Variants in KCNQ3 observed in about 807,000 individuals in gnomAD.
KCNQ3 encodes potassium voltage-gated channel subfamily Q member 3.
Under a neutral mutation model 92.5 loss-of-function variants are expected in KCNQ3, and 30 were observed. The observed-to-expected ratio is 0.32, with a 90% CI of 0.24 to 0.44. The LOEUF is 0.44. Ranked by LOEUF, KCNQ3 falls within the 20% of genes least tolerant of loss-of-function variation. The pLI, the probability that KCNQ3 is intolerant of heterozygous loss-of-function variation, is 1.00. For synonymous variants in KCNQ3, 450 were observed against 468.8 expected, an observed-to-expected ratio of 0.96 and a Z score of 0.52; for missense variants, 913 against 1,140.3, an observed-to-expected ratio of 0.80 and a Z score of 2.87.
At chr8:132,369,513 G>T (rs1466173226) in intron 1 of KCNQ3, among the ~76,000 whole-genome samples, 1 of 152,162 alleles carries the variant, frequency 6.6e-6, no homozygotes, top group African/African-American at 2.4e-5. Flanking sequence ...CTGGGTCAGG[G>T]AGTATAAAAA....
intron 1 of KCNQ3, among the ~76,000 whole-genome samples, chr8:132,353,926 GT>G (rs1818944307): frequency 6.6e-6 from 1 of 152,198 alleles, no homozygotes; most frequent in Non-Finnish European, 1.5e-5. Context: ...GCAGATGAAG[GT>G]TAACTAGAGC....
At chr8:132,368,678 TA>T (rs1244221066) in intron 1 of KCNQ3, among the ~76,000 whole-genome samples, 1 of 151,856 alleles carries the variant, frequency 6.6e-6, no homozygotes, top group East Asian at 1.9e-4. Flanking sequence ...AAAAGAAAAA[TA>T]TTTTAAAAAG....
At position 132,124,083 on chromosome 8, in the gene KCNQ3, A is replaced by G. The variant is rs1349677317; in HGVS notation, c.*5179T>C. 1 of 152,166 alleles carries G rather than the reference A, an allele frequency of 6.6e-6. No homozygotes were observed. The highest frequency in any genetic ancestry group is 2.4e-5 in the African/African-American group (1 of 41,420). 9.4% of individuals were successfully genotyped at this position (152,166 alleles called of 1,614,324 possible). ...TGCAACATCTGGTACTATATGTCCA[A>G]TGGAATTGCCACAACTCAGCCACTG... On this transcript the variant is annotated 3_prime_UTR_variant, in exon 15 of 15. Transcript: ENST00000388996.
In KCNQ3 at chr8:132,129,378, C is replaced by A; in HGVS notation, c.2503G>T (p.Glu835Ter). 6.2e-7 allele frequency: 1 copy of A among 1,614,202 alleles called. No individual in the cohort carries two copies. Among genetic ancestry groups the A allele is most frequent in the East Asian group, 2.2e-5 (1 of 44,864 alleles). ...SWMREKRYLA[E>*]GETDTDTDPF... ...TCCGTGTCTGTGTCCGTCTCACCCT[C>A]GGCGAGGTACCGCTTCTCCCTCATC... is the stretch of plus-strand genomic sequence containing the variant. The change falls in exon 15 of 15, where the codon GAG becomes TAG. Residue 835 changes from glutamate to a stop codon, truncating the protein, a stop_gained. Transcript: ENST00000388996. LOFTEE classifies it high-confidence loss of function. The surrounding 1 kb of genome is among the most constrained non-coding windows in gnomAD (Gnocchi z 5.9).
chr8:132,206,366 A>G (rs375128252), intron 1 of KCNQ3, among the ~76,000 whole-genome samples: 164 of 152,316 alleles, frequency 1.1e-3, no homozygotes, highest in African/African-American at 3.7e-3. Context: ...CCTTGGTCCT[A>G]TGCATTTCTA....
intron 1 of KCNQ3, among the ~76,000 whole-genome samples, chr8:132,315,042 G>T (rs1435322386): frequency 2.0e-5 from 3 of 152,196 alleles, no homozygotes; most frequent in Non-Finnish European, 4.4e-5. Flanking sequence ...ATCTCACAAG[G>T]GATGGAGAAC....
chr8:132,213,001 G>A (rs1586833438), intron 1 of KCNQ3, among the ~76,000 whole-genome samples: 1 of 152,126 alleles, frequency 6.6e-6, no homozygotes, highest in East Asian at 1.9e-4. Flanking sequence ...CTAGAGTTCA[G>A]GACACCTGCA....
chr8:132,354,042 T>TGGCTCAGCACTTTG (rs1191905674), intron 1 of KCNQ3, among the ~76,000 whole-genome samples: 1 of 152,226 alleles, frequency 6.6e-6, no homozygotes, highest in Non-Finnish European at 1.5e-5. Flanking sequence ...ATATAGCACC[T>TGGCTCAGCACTTTG]GGCTCAGCAC....
chr8:132,280,722 GC>G (rs1486808009), intron 1 of KCNQ3, among the ~76,000 whole-genome samples: 1 of 152,192 alleles, frequency 6.6e-6, no homozygotes, highest in Admixed American at 6.6e-5. Flanking sequence ...TATACAGAAA[GC>G]ATATTCCAGG....
At chr8:132,213,723 T>G (rs756341165) in intron 1 of KCNQ3, among the ~76,000 whole-genome samples, 1 of 152,206 alleles carries the variant, frequency 6.6e-6, no homozygotes, top group South Asian at 2.1e-4. Flanking sequence ...AGTAAGGTAT[T>G]GCAAGCTCTG....
chr8:132,278,091 AC>A (rs1346469692), intron 1 of KCNQ3: 1 of 985,214 alleles, frequency 1.0e-6, no homozygotes, highest in Non-Finnish European at 1.2e-6. Context: ...ATCCTCAAAG[AC>A]CATGAGATTT....
intron 9 of KCNQ3, among the ~76,000 whole-genome samples, chr8:132,144,010 C>T (rs1416961463): frequency 6.6e-6 from 1 of 152,126 alleles, no homozygotes; most frequent in African/African-American, 2.4e-5. Context: ...CCACTTTTTC[C>T]TGAATTGAAG....
At chr8:132,229,921 C>G (rs1814576266) in intron 1 of KCNQ3, among the ~76,000 whole-genome samples, 1 of 152,286 alleles carries the variant, frequency 6.6e-6, no homozygotes, top group East Asian at 1.9e-4. Flanking sequence ...AATATATCAA[C>G]TCACATAATT....
chr8:132,132,465 A>G (rs567088857), intron 13 of KCNQ3, among the ~76,000 whole-genome samples: 1 of 152,356 alleles, frequency 6.6e-6, no homozygotes, highest in East Asian at 1.9e-4. Context: ...CTGGTATCTC[A>G]TGTTTACCTC....
At chr8:132,480,035 G>A (rs1822511577) in intron 1 of KCNQ3, 112 bp downstream of exon 1, 1 of 1,053,678 alleles carries the variant, frequency 9.5e-7, no homozygotes, top group Admixed American at 2.3e-5. Flanking sequence ...CTCCCCTTCA[G>A]CGGGAAAGCA....
At chr8:132,220,811 C>CTT (rs201993680) in intron 1 of KCNQ3, among the ~76,000 whole-genome samples, 55 of 92,668 alleles carry the variant, frequency 5.9e-4, no homozygotes, top group African/African-American at 2.5e-3. Flanking sequence ...TGGCATGAAA[C>CTT]TTTTTTTTAT....
chr8:132,424,665 T>C (rs1821061338), intron 1 of KCNQ3, among the ~76,000 whole-genome samples: 2 of 152,226 alleles, frequency 1.3e-5, no homozygotes, highest in African/African-American at 4.8e-5. Flanking sequence ...GTCACAGTTC[T>C]GGAGGCAGAG....
At chr8:132,448,429 A>C (rs1462980946) in intron 1 of KCNQ3, among the ~76,000 whole-genome samples, 1 of 149,132 alleles carries the variant, frequency 6.7e-6, no homozygotes, top group Non-Finnish European at 1.5e-5. Flanking sequence ...AGCAAACGTC[A>C]TGTAGGCGTA....
At chr8:132,345,957 T>A (rs1479490531) in intron 1 of KCNQ3, among the ~76,000 whole-genome samples, 1 of 151,686 alleles carries the variant, frequency 6.6e-6, no homozygotes, top group Non-Finnish European at 1.5e-5. Flanking sequence ...GTGATGATGA[T>A]GGAATGGTGA....
Sources: allele counts gnomAD v4.1 joint callset (sites outside exome capture counted in the v4.1 genomes callset), GRCh38; gene constraint gnomAD v4.1.1; non-coding constraint Gnocchi (gnomAD v3.1); transcripts MANE v1.5; gene names NCBI Gene and HGNC (gene_info 2026-07-23, HGNC 2026-07-21).